Variants in CSTF2T observed in about 807,000 individuals in gnomAD.
CSTF2T encodes the protein CF-1 64 kDa subunit tau.
CSTF2T carries 18 observed loss-of-function variants against 39.9 expected under a neutral mutation model. That is an observed-to-expected ratio of 0.45 (90% CI 0.31 to 0.67). CSTF2T has a LOEUF of 0.67. Among genes scored for constraint, CSTF2T ranks in the 30% least tolerant of loss-of-function variants. The probability of loss-of-function intolerance (pLI) is 0.06; values close to 1 mark genes in which losing one functional copy is unlikely to be tolerated. For synonymous variants in CSTF2T, 291 were observed against 276.4 expected, an observed-to-expected ratio of 1.05 and a Z score of -0.52; for missense variants, 681 against 789.0, an observed-to-expected ratio of 0.86 and a Z score of 1.64.
Position 51,698,181 on chromosome 10 carries a change from C to G in CSTF2T, c.1369G>C (p.Gly457Arg). ...GMEARGMDAR[G>R]LEMRGPVPSS... ...GGGACAGGGCCCCTCATCTCCAATC[C>G]TCTTGCATCCATGCCCCTTGCTTCC... Residue 457 changes from glycine (G) to arginine (R), a missense_variant, in exon 1 of 1, where the codon GGA becomes CGA. Physicochemically the swap from Gly to Arg is moderately radical, Grantham distance 125 (BLOSUM62 -2). Coordinates refer to ENST00000331173, the MANE Select transcript of CSTF2T (RefSeq NM_015235.3). 6.2e-7 allele frequency: 1 copy of G among 1,614,138 alleles called. No individual in the cohort carries two copies. The highest frequency in any genetic ancestry group is 8.5e-7 in the Non-Finnish European group (1 of 1,180,028).
In CSTF2T at chr10:51,699,367, G is replaced by A. The variant is rs778638372; in HGVS notation, c.183C>T (p.Phe61=). ...CGGTCTCCTGGTCTTGGTATTCGCA[G>A]AAGCCATAGCCCTTGGGTTTTCCCG... The part of the protein sequence containing the change: ...RETGKPKGYG[F]CEYQDQETAL... The change falls in exon 1 of 1, where the codon TTC becomes TTT. Residue 61 remains phenylalanine, a synonymous_variant. Transcript: ENST00000331173. 2 of 1,614,004 alleles carry A rather than the reference G, an allele frequency of 1.2e-6. No homozygotes were observed. The highest frequency in any genetic ancestry group is 1.7e-6 in the Non-Finnish European group (2 of 1,180,028).
At position 51,697,460 on chromosome 10, in the gene CSTF2T, C is replaced by T; in HGVS notation, c.*239G>A. Reference sequence around the variant, plus strand: ...GTAATCTTATTTGGCATAATATAATCATGTTCAGAGTTATTTTAAAGTAAC... The same window carrying T: ...GTAATCTTATTTGGCATAATATAATTATGTTCAGAGTTATTTTAAAGTAAC... On this transcript the variant is annotated 3_prime_UTR_variant, in exon 1 of 1. Transcript: ENST00000331173. 1 of 527,580 alleles carries T rather than the reference C, an allele frequency of 1.9e-6. No individual in the cohort carries two copies. Among genetic ancestry groups the T allele is most frequent in the Non-Finnish European group, 3.3e-6 (1 of 299,190 alleles). The allele number at this position is 527,580 out of a possible 1,614,324, so 32.7% of individuals were successfully genotyped here.
chr10:51,697,838 G>A lies in CSTF2T; in HGVS notation c.1712C>T (p.Pro571Leu). Residue 571 changes from proline to leucine, a missense_variant, in exon 1 of 1, where the codon CCA (proline) becomes CTA (leucine). Transcript: ENST00000331173. ...SFSPGQSQVTPQDQEKAALIM... is the reference protein window; with the variant it reads ...SFSPGQSQVTLQDQEKAALIM... ...CAAAGCTGCCTTCTCCTGATCCTGTGGAGTGACCTGGCTCTGCCCAGGACT... is the reference window on the plus strand; with the variant it reads ...CAAAGCTGCCTTCTCCTGATCCTGTAGAGTGACCTGGCTCTGCCCAGGACT... 2 of 1,614,092 alleles carry A rather than the reference G, an allele frequency of 1.2e-6. No homozygotes were observed. The highest frequency in any genetic ancestry group is 1.7e-6 in the Non-Finnish European group (2 of 1,180,010).
At position 51,698,229 on chromosome 10, in the gene CSTF2T, A is replaced by T; in HGVS notation, c.1321T>A (p.Cys441Ser). The T allele has an allele frequency of 6.2e-7, 1 of 1,614,074 alleles. No homozygotes were observed. The highest frequency in any genetic ancestry group is 8.5e-7 in the Non-Finnish European group (1 of 1,180,010). The part of the protein sequence containing the change: ...RVMERRGMET[C>S]AMETRGMEAR... ...TCCATCCCTCTGGTTTCCATCGCAC[A>T]GGTCTCCATTCCTCTCCTCTCCATT... The change falls in exon 1 of 1, where the codon TGT becomes AGT. Residue 441 changes from cysteine (C) to serine (S), a missense_variant. Cys to Ser is a moderately radical substitution (Grantham distance 112, BLOSUM62 -1). Transcript: ENST00000331173.
rs181270695 is a variant in CSTF2T at position 51,699,139 on chromosome 10, C to T, written c.411G>A (p.Pro137=). ...GCTTCATCAGCTCAAACATCTGCTCCGGGGGGAGACTGGCTACTGCTCTGG... is the reference window on the plus strand; with the variant it reads ...GCTTCATCAGCTCAAACATCTGCTCTGGGGGGAGACTGGCTACTGCTCTGG... ...SITRAVASLP[P]EQMFELMKQM... The change falls in exon 1 of 1, where the codon CCG becomes CCA. Residue 137 remains proline, a synonymous_variant. Transcript: ENST00000331173. The T allele has an allele frequency of 1.7e-4, 272 of 1,614,160 alleles. 1 individual carries two copies. In the East Asian group the frequency reaches 5.0e-3, roughly 30 times the overall value.
At position 51,696,937 on chromosome 10, in the gene CSTF2T, T is replaced by C. The variant is rs940965796; in HGVS notation, c.*762A>G. 1 of 152,162 alleles carries C rather than the reference T, an allele frequency of 6.6e-6. No individual in the cohort carries two copies. The highest frequency in any genetic ancestry group is 1.5e-5 in the Non-Finnish European group (1 of 68,038). The allele number at this position is 152,162 out of a possible 1,614,324, so 9.4% of individuals were successfully genotyped here. A position where few individuals can be genotyped will look rare whatever the true frequency, so the allele number is the denominator to read the frequency against. On this transcript the variant is annotated 3_prime_UTR_variant, in exon 1 of 1. Coordinates refer to ENST00000331173, the MANE Select transcript of CSTF2T (RefSeq NM_015235.3). ...GAGAAATAGGAAGGTATTGAGAGAC[T>C]GGGTTTCATCAGAGCGGACTTAAGT... is the stretch of plus-strand genomic sequence containing the variant.
chr10:51,698,899 A>T lies in CSTF2T; in HGVS notation c.651T>A (p.Pro217=). 1 of 1,612,040 alleles carries T rather than the reference A, an allele frequency of 6.2e-7. No homozygotes were observed. Among genetic ancestry groups the T allele is most frequent in the Non-Finnish European group, 8.5e-7 (1 of 1,178,492 alleles). The stretch of plus-strand genomic sequence containing the variant: ...TAGGTCCTGGGCAGAGCCCAGGGCC[A>T]GGGCCAGGGCCAGGGCCAGAGACAG... ...SVSVSGPGPG[P]GPGLCPGPNV... The change falls in exon 1 of 1, where the codon CCT becomes CCA. Residue 217 remains proline, a synonymous_variant. Transcript: ENST00000331173.
Position 51,698,451 on chromosome 10 carries a change from C to T in CSTF2T, c.1099G>A (p.Ala367Thr). ...GGGCCACGAGTGTCATGACCAGAGG[C>T]ATGATGCATGGGGGGACCCTGATGG... ...PPHQGPPMHHASGHDTRGPSS... is the reference protein window; with the variant it reads ...PPHQGPPMHHTSGHDTRGPSS... Residue 367 changes from alanine (A) to threonine (T), a missense_variant, in exon 1 of 1, where the codon GCC becomes ACC. Ala to Thr is a moderately conservative substitution (Grantham distance 58, BLOSUM62 0). Transcript: ENST00000331173. 6.2e-7 allele frequency: 1 copy of T among 1,614,170 alleles called. No individual in the cohort carries two copies. The highest frequency in any genetic ancestry group is 8.5e-7 in the Non-Finnish European group (1 of 1,180,034).
At position 51,699,594 on chromosome 10, in the gene CSTF2T, C is replaced by G. The variant is rs182539311; in HGVS notation, c.-45G>C. On this transcript the variant is annotated 5_prime_UTR_variant, in exon 1 of 1. Coordinates refer to ENST00000331173, the MANE Select transcript of CSTF2T (RefSeq NM_015235.3). ...GCCGATAGCGGATTCTTCGAGGCGT[C>G]TGTCCTCTTGCGACCGACACTTCCG... 119 of 1,566,216 alleles carry G rather than the reference C, an allele frequency of 7.6e-5. No homozygotes were observed. The highest frequency in any genetic ancestry group is 2.6e-4 in the Admixed American group (14 of 52,988).
At position 51,698,829 on chromosome 10, in the gene CSTF2T, G is replaced by C. The variant is rs573426485; in HGVS notation, c.721C>G (p.His241Asp). 36 of 1,613,326 alleles carry C rather than the reference G, an allele frequency of 2.2e-5. No homozygotes were observed. The African/African-American group carries it at 3.0e-4, about 13-fold the overall frequency. The change falls in exon 1 of 1, where the codon CAT becomes GAT. Residue 241 changes from histidine to aspartate, a missense_variant. By Grantham distance (81) the His-to-Asp change is moderately conservative. Transcript: ENST00000331173. The stretch of plus-strand genomic sequence containing the variant: ...TCCTTCACAGGTCTTCTAGCCAAAT[G>C]CTGAGGCTGAGGAGCTGGAGGATTC... ...QQNPPAPQPQ[H>D]LARRPVKDIP...
In CSTF2T at chr10:51,698,850, G is replaced by T. The variant is rs1254227822; in HGVS notation, c.700C>A (p.Pro234Thr). The change falls in exon 1 of 1, where the codon CCT becomes ACT. Residue 234 changes from proline to threonine, a missense_variant. By Grantham distance (38) the Pro-to-Thr change is conservative. Transcript: ENST00000331173. ...GPNVLLNQQNPPAPQPQHLAR... is the reference protein window; with the variant it reads ...GPNVLLNQQNTPAPQPQHLAR... ...AAATGCTGAGGCTGAGGAGCTGGAG[G>T]ATTCTGCTGGTTCAGCAGAACATTA... The T allele has an allele frequency of 6.2e-7, 1 of 1,614,184 alleles. No homozygotes were observed. The highest frequency in any genetic ancestry group is 1.1e-5 in the South Asian group (1 of 91,090).
rs113063983 is a variant in CSTF2T at position 51,696,259 on chromosome 10, T to TTATTC, written c.*1439_*1440insGAATA. 4 of 151,898 alleles carry TTATTC rather than the reference T, an allele frequency of 2.6e-5. No individual in the cohort carries two copies. Among genetic ancestry groups the TTATTC allele is most frequent in the African/African-American group, 9.7e-5 (4 of 41,276 alleles). The allele number at this position is 151,898 out of a possible 1,614,324, so 9.4% of individuals were successfully genotyped here. A position where few individuals can be genotyped will look rare whatever the true frequency, so the allele number is the denominator to read the frequency against. On this transcript the variant is annotated 3_prime_UTR_variant, in exon 1 of 1. Coordinates refer to ENST00000331173, the MANE Select transcript of CSTF2T (RefSeq NM_015235.3). Reference sequence around the variant, plus strand: ...AACTAAAAGGCATGTTAAATGCTCTTTAAAGGTTTTTAACTCCTGTCTGGT... The same window carrying TTATTC: ...AACTAAAAGGCATGTTAAATGCTCTTTATTCTAAAGGTTTTTAACTCCTGTCTGGT...
In CSTF2T at chr10:51,697,998, T is replaced by C. The variant is rs1408476540; in HGVS notation, c.1552A>G (p.Met518Val). 14 of 1,612,820 alleles carry C rather than the reference T, an allele frequency of 8.7e-6. No homozygotes were observed. The highest frequency in any genetic ancestry group is 1.7e-5 in the Admixed American group (1 of 59,792). ...CCTCCTTGTATGCCTGCTCCCTGCA[T>C]GCCTGTTCCTTGTATGCCTGTACCC... ...MQGTGIQGTG[M>V]QGAGIQGGGM... The change falls in exon 1 of 1, where the codon ATG (methionine) becomes GTG (valine). Residue 518 changes from methionine (M) to valine (V), a missense_variant. Physicochemically the swap from Met to Val is conservative, Grantham distance 21 (BLOSUM62 1). Around this residue, in one of 4 missense-constraint regions of CSTF2T, gnomAD observed 282 missense variants for 289.2 expected, o/e 0.98. Transcript: ENST00000331173.
Position 51,695,914 on chromosome 10 carries a change from G to A in CSTF2T, c.*1785C>T, listed in dbSNP as rs1232371041. ...TATTGGTTTTTCTTCTCCATAGTAA[G>A]ATCACCTGATATTTGATAATTTATG... On this transcript the variant is annotated 3_prime_UTR_variant, in exon 1 of 1. Coordinates refer to ENST00000331173, the MANE Select transcript of CSTF2T (RefSeq NM_015235.3). 1 of 152,056 alleles carries A rather than the reference G, an allele frequency of 6.6e-6. No individual in the cohort carries two copies. The highest frequency in any genetic ancestry group is 1.5e-5 in the Non-Finnish European group (1 of 67,986). The allele number at this position is 152,056 out of a possible 1,614,324, so 9.4% of individuals were successfully genotyped here.
chr10:51,699,165 T>C lies in CSTF2T; in HGVS notation c.385A>G (p.Thr129Ala). The C allele has an allele frequency of 6.2e-7, 1 of 1,614,194 alleles. No homozygotes were observed. Among genetic ancestry groups the C allele is most frequent in the Non-Finnish European group, 8.5e-7 (1 of 1,180,022 alleles). ...GGGGGGAGACTGGCTACTGCTCTGG[T>C]AATCGATTCAGGGGCATCTTCTGGA... is the stretch of plus-strand genomic sequence containing the variant. ...IDPEDAPESI[T>A]RAVASLPPEQ... Residue 129 changes from threonine to alanine, a missense_variant, in exon 1 of 1, where the codon ACC (threonine) becomes GCC (alanine). By Grantham distance (58) the Thr-to-Ala change is moderately conservative. Transcript: ENST00000331173.
chr10:51,698,543 T>A lies in CSTF2T; in HGVS notation c.1007A>T (p.Asp336Val), dbSNP rs200025907. 1 of 1,614,000 alleles carries A rather than the reference T, an allele frequency of 6.2e-7. No individual in the cohort carries two copies. Among genetic ancestry groups the A allele is most frequent in the East Asian group, 2.2e-5 (1 of 44,852 alleles). The stretch of plus-strand genomic sequence containing the variant: ...TGAAAGCAAAGTCCCTCCACGTGGG[T>A]CATTTGGAGCATCTCCTAACAGTCC... ...PRGLLGDAPN[D>V]PRGGTLLSVT... Residue 336 changes from aspartate (D) to valine (V), a missense_variant, in exon 1 of 1, where the codon GAC becomes GTC. By Grantham distance (152) the Asp-to-Val change is radical. Around this residue, in one of 4 missense-constraint regions of CSTF2T, gnomAD observed 329 missense variants for 344.1 expected, o/e 0.96. Coordinates refer to ENST00000331173, the MANE Select transcript of CSTF2T (RefSeq NM_015235.3).
Position 51,697,555 on chromosome 10 carries a change from G to T in CSTF2T, c.*144C>A. 1 of 837,186 alleles carries T rather than the reference G, an allele frequency of 1.2e-6. No individual in the cohort carries two copies. The highest frequency in any genetic ancestry group is 1.8e-6 in the Non-Finnish European group (1 of 551,330). The allele number at this position is 837,186 out of a possible 1,614,324, so 51.9% of individuals were successfully genotyped here. On this transcript the variant is annotated 3_prime_UTR_variant, in exon 1 of 1. Transcript: ENST00000331173. Reference sequence around the variant, plus strand: ...AAAAAAAAAGGAAAACAGAAAGAAAGAAAAAGAACAAAAAATAAGATTAGG... The same window carrying T: ...AAAAAAAAAGGAAAACAGAAAGAAATAAAAAGAACAAAAAATAAGATTAGG...
Position 51,699,542 on chromosome 10 carries a change from C to T in CSTF2T, c.8G>A (p.Ser3Asn), listed in dbSNP as rs767428402. 28 of 1,609,086 alleles carry T rather than the reference C, an allele frequency of 1.7e-5. No homozygotes were observed. The highest frequency in any genetic ancestry group is 2.3e-5 in the Non-Finnish European group (27 of 1,177,480). MS[S>N]LAVRDPAMDR... is the part of the protein sequence containing the mutation. ...CATTGCCGGGTCTCTCACCGCCAAA[C>T]TCGACATGATTCCGGTTGTGCAGAC... Residue 3 changes from serine (S) to asparagine (N), a missense_variant, in exon 1 of 1, where the codon AGT becomes AAT. Physicochemically the swap from Ser to Asn is conservative, Grantham distance 46. Coordinates refer to ENST00000331173, the MANE Select transcript of CSTF2T (RefSeq NM_015235.3).
rs141677700 is a variant in CSTF2T, at chr10:51,699,123, G to T, written c.427C>A (p.Leu143Met). The change falls in exon 1 of 1, where the codon CTG becomes ATG. Residue 143 changes from leucine to methionine, a missense_variant. By Grantham distance (15) the Leu-to-Met change is conservative. This residue lies in a region of CSTF2T where 329 missense variants were observed against 344.1 expected (regional missense o/e 0.96). Coordinates refer to ENST00000331173, the MANE Select transcript of CSTF2T (RefSeq NM_015235.3). Reference protein sequence around the residue: ...ASLPPEQMFELMKQMKLCVQN... With the variant: ...ASLPPEQMFEMMKQMKLCVQN... ...ACACAGAGCTTCATCTGCTTCATCA[G>T]CTCAAACATCTGCTCCGGGGGGAGA... 6.8e-6 allele frequency: 11 copies of T among 1,614,086 alleles called. No homozygotes were observed. The highest frequency in any genetic ancestry group is 9.3e-6 in the Non-Finnish European group (11 of 1,180,048).
Sources: allele counts gnomAD v4.1 joint callset, GRCh38; gene constraint gnomAD v4.1.1; regional missense constraint gnomAD v4.1.1; transcripts MANE v1.5; gene names NCBI Gene and HGNC (gene_info 2026-07-23, HGNC 2026-07-21).